Variants in DLG2 observed in about 807,000 individuals in gnomAD.
DLG2 encodes the protein disks large homolog 2.
DLG2 carries 45 observed loss-of-function variants against 132.5 expected under a neutral mutation model. The observed-to-expected ratio is 0.34, with a 90% CI of 0.27 to 0.44. DLG2 has a LOEUF of 0.44. DLG2 is among the 20% of genes least tolerant of loss of function. DLG2 has a pLI of 1.00. For missense variants in DLG2, 1,045 were observed against 1,196.9 expected (o/e 0.87, Z 1.87); for synonymous variants, 424 against 419.6 (o/e 1.01, Z -0.13).
At chr11:85,504,672 C>T (rs1328674558) in intron 3 of DLG2, among the ~76,000 whole-genome samples, 1 of 152,108 alleles carries the variant, frequency 6.6e-6, no homozygotes, top group Non-Finnish European at 1.5e-5. Flanking sequence ...GTTCTTTTGC[C>T]TTAGGATTGT....
intron 6 of DLG2, among the ~76,000 whole-genome samples, chr11:84,875,181 T>C (rs1340766627): frequency 6.6e-6 from 1 of 152,056 alleles, no homozygotes; most frequent in African/African-American, 2.4e-5. Flanking sequence ...GATTTTTCAA[T>C]AAAAAATTAT....
chr11:85,520,178 C>A (rs1051285353), intron 3 of DLG2, among the ~76,000 whole-genome samples: 2 of 151,990 alleles, frequency 1.3e-5, no homozygotes, highest in African/African-American at 4.8e-5. Flanking sequence ...CTCCACCCAG[C>A]CAGTAGCATT....
chr11:84,224,112 T>C (rs1346603192), intron 8 of DLG2, among the ~76,000 whole-genome samples: 1 of 152,192 alleles, frequency 6.6e-6, no homozygotes, highest in Non-Finnish European at 1.5e-5. Context: ...CTGTCCCCAC[T>C]GTTCCCCAGA....
chr11:84,787,131 C>T (rs1239680822), intron 6 of DLG2, among the ~76,000 whole-genome samples: 1 of 152,174 alleles, frequency 6.6e-6, no homozygotes, highest in Admixed American at 6.5e-5. Flanking sequence ...GACCCACATT[C>T]ACTCATGCCC....
At chr11:84,102,744 A>C (rs1046431194) in intron 9 of DLG2, among the ~76,000 whole-genome samples, 4 of 152,164 alleles carry the variant, frequency 2.6e-5, no homozygotes, top group African/African-American at 9.6e-5. Flanking sequence ...CAACAGAGAA[A>C]AGGGGATGTT....
At chr11:85,244,584 C>G (rs775421486) in intron 4 of DLG2, among the ~76,000 whole-genome samples, 4 of 151,886 alleles carry the variant, frequency 2.6e-5, no homozygotes, top group Admixed American at 6.6e-5. Flanking sequence ...TCATCTTAAT[C>G]AGATTGCTAT....
At chr11:84,096,743 T>C (rs1220808297) in intron 10 of DLG2, among the ~76,000 whole-genome samples, 5 of 152,216 alleles carry the variant, frequency 3.3e-5, no homozygotes, top group East Asian at 1.9e-4. Flanking sequence ...CGATGACTCA[T>C]AGAATTACAC....
chr11:84,754,130 A>T (rs1306325407), intron 6 of DLG2, among the ~76,000 whole-genome samples: 1 of 152,218 alleles, frequency 6.6e-6, no homozygotes, highest in African/African-American at 2.4e-5. Flanking sequence ...AAATAGGAGG[A>T]CAAAAAATAT....
chr11:84,764,966 C>A (rs1231797237), intron 6 of DLG2, among the ~76,000 whole-genome samples: 1 of 152,024 alleles, frequency 6.6e-6, no homozygotes, highest in African/African-American at 2.4e-5. Flanking sequence ...AACAAAGGAA[C>A]TTTAAGAGAG....
rs117044538 is a variant in DLG2, at chr11:84,037,355, T to C, written c.919+21960A>G. 4.5e-4 allele frequency among the ~76,000 whole-genome samples: 69 copies of C among 152,150 alleles called. No homozygotes were observed. In the East Asian group the frequency reaches 0.011, roughly 25 times the overall value. Reference sequence around the variant, plus strand: ...CATGAACACCTGGGAAAGAATAGAGTATCAAAGAAGACAGCTAGTTGAAAT... The same window carrying C: ...CATGAACACCTGGGAAAGAATAGAGCATCAAAGAAGACAGCTAGTTGAAAT... On this transcript the variant is annotated intron_variant, in intron 11 of 27. Coordinates refer to ENST00000376104, the MANE Select transcript of DLG2 (RefSeq NM_001142699.3).
At chr11:84,560,272 T>C (rs1006778395) in intron 6 of DLG2, among the ~76,000 whole-genome samples, 1 of 152,118 alleles carries the variant, frequency 6.6e-6, no homozygotes, top group Non-Finnish European at 1.5e-5. Flanking sequence ...TTGACTATTA[T>C]TGAATACCTA....
At chr11:85,080,099 G>A (rs577545584) in intron 6 of DLG2, among the ~76,000 whole-genome samples, 32 of 152,128 alleles carry the variant, frequency 2.1e-4, no homozygotes, top group African/African-American at 7.5e-4. Context: ...TCAACTAATT[G>A]TATCCCTCAA....
intron 6 of DLG2, among the ~76,000 whole-genome samples, chr11:84,903,532 A>G (rs1033194106): frequency 3.9e-5 from 6 of 152,272 alleles, no homozygotes; most frequent in African/African-American, 1.2e-4. Context: ...ACTCATCTTC[A>G]TATCCCTGAT....
At chr11:84,129,691 T>TA (rs35302299) in intron 9 of DLG2, among the ~76,000 whole-genome samples, 3,884 of 152,078 alleles carry the variant, frequency 0.026, 148 homozygotes, top group African/African-American at 0.088. Context: ...TACATTGTAT[T>TA]AGAGACAAAC....
intron 18 of DLG2, among the ~76,000 whole-genome samples, chr11:83,720,517 G>A (rs780283815): frequency 1.5e-4 from 23 of 151,720 alleles, no homozygotes; most frequent in Non-Finnish European, 2.9e-4. Flanking sequence ...AGCTTCATAG[G>A]CTTAGTAAAG....
intron 16 of DLG2, among the ~76,000 whole-genome samples, chr11:83,873,636 G>A (rs1446251194): frequency 3.3e-5 from 5 of 152,120 alleles, no homozygotes; most frequent in Admixed American, 1.3e-4. Context: ...TATCAGCATC[G>A]TGAAAATGGA....
At chr11:85,044,405 T>C (rs547227115) in intron 6 of DLG2, among the ~76,000 whole-genome samples, 1 of 152,144 alleles carries the variant, frequency 6.6e-6, no homozygotes, top group African/African-American at 2.4e-5. Context: ...TTTATAAATG[T>C]TAACTGTCTT....
intron 6 of DLG2, chr11:84,546,694 T>A (rs1268681507): frequency 1.3e-5 from 7 of 520,388 alleles, no homozygotes; most frequent in Non-Finnish European, 2.6e-5. Context: ...GAGCAATTGG[T>A]GTTTGGATAT....
At chr11:84,041,954 T>G (rs1428899107) in intron 11 of DLG2, among the ~76,000 whole-genome samples, 1 of 151,932 alleles carries the variant, frequency 6.6e-6, no homozygotes, top group Non-Finnish European at 1.5e-5. Context: ...ACAAGCTCTC[T>G]TCTCTTGTGT....
Sources: allele counts gnomAD v4.1 joint callset (sites outside exome capture counted in the v4.1 genomes callset), GRCh38; gene constraint gnomAD v4.1.1; transcripts MANE v1.5; gene names NCBI Gene and HGNC (gene_info 2026-07-23, HGNC 2026-07-21).